The following EML4 variants were observed in gnomAD, a reference collection of about 807,000 sequenced individuals.
EML4 encodes EMAP like 4, also known as echinoderm microtubule-associated protein-like 4.
Under a neutral mutation model 129.0 loss-of-function variants are expected in EML4, and 72 were observed. That is an observed-to-expected ratio of 0.56 (90% CI 0.46 to 0.68). The LOEUF (loss-of-function observed/expected upper bound fraction) is 0.68, where lower values mean the gene tolerates loss of function less well. Ranked by LOEUF, EML4 falls within the 30% of genes least tolerant of loss-of-function variation. The pLI is 0.00. For missense variants in EML4, 1,363 were observed against 1,190.6 expected (o/e 1.14, Z -2.13); for synonymous variants, 532 against 405.0 (o/e 1.31, Z -3.77).
At chr2:42,318,400 A>G (rs776755633) in intron 19 of EML4, among the ~76,000 whole-genome samples, 19 of 152,206 alleles carry the variant, frequency 1.2e-4, no homozygotes, top group South Asian at 4.1e-4. Flanking sequence ...AAACTAGGCC[A>G]TGTACTATTT....
intron 4 of EML4, chr2:42,261,550 G>T (rs1195499279): frequency 9.8e-6 from 3 of 305,710 alleles, no homozygotes; most frequent in Non-Finnish European, 1.8e-5. Flanking sequence ...AAGAAGGCAG[G>T]AATAACCTAG....
At chr2:42,316,351 TA>T (rs1433888546) in intron 18 of EML4, among the ~76,000 whole-genome samples, 1 of 152,200 alleles carries the variant, frequency 6.6e-6, no homozygotes, top group African/African-American at 2.4e-5. Flanking sequence ...GAATTTTGAA[TA>T]GGTATTAGGC....
Position 42,330,079 on chromosome 2 carries a change from G to A in EML4, c.2818G>A (p.Glu940Lys), listed in dbSNP as rs765471925. The change falls in exon 23 of 23, where the codon GAG becomes AAG. Residue 940 changes from glutamate to lysine, a missense_variant. Transcript: ENST00000318522. The part of the protein sequence containing the change: ...TVEPSEDHSE[E>K]ESEEGSGDLG... ...GGAGCCAAGTGAAGACCACAGCGAG[G>A]AGGAGAGTGAAGAGGGCAGCGGAGA... is the stretch of plus-strand genomic sequence containing the variant. 25 of 1,613,148 alleles carry A rather than the reference G, an allele frequency of 1.5e-5. 1 individual carries two copies. Among genetic ancestry groups the A allele is most frequent in the South Asian group, 5.5e-5 (5 of 91,006 alleles).
intron 6 of EML4, among the ~76,000 whole-genome samples, chr2:42,267,800 T>G (rs377038520): frequency 6.6e-6 from 1 of 152,190 alleles, no homozygotes; most frequent in Non-Finnish European, 1.5e-5. Flanking sequence ...CCTAAACTTT[T>G]TTTCATTACT....
chr2:42,249,786 G>T (rs1322938113), intron 2 of EML4, among the ~76,000 whole-genome samples: 2 of 152,038 alleles, frequency 1.3e-5, no homozygotes, highest in African/African-American at 4.8e-5. Context: ...CTTGACTGAG[G>T]TAGAAAATTT....
intron 2 of EML4, among the ~76,000 whole-genome samples, chr2:42,252,347 T>G (rs1675832302): frequency 6.6e-6 from 1 of 152,230 alleles, no homozygotes; most frequent in Admixed American, 6.5e-5. Context: ...CCTGGCATTA[T>G]GATGGTTTCC....
chr2:42,238,243 G>C lies in EML4; in HGVS notation c.26-7262G>C, dbSNP rs148666908. Among the ~76,000 whole-genome samples, 437 of 152,238 alleles carry C rather than the reference G, an allele frequency of 2.9e-3. 3 individuals are homozygous for C. The highest frequency in any genetic ancestry group is 9.5e-3 in the African/African-American group (395 of 41,536). ...AACACTTCTGGTACCAAGCAATTCA[G>C]ATAAGGGATACTCAACCTGTAATAT... On this transcript the variant is annotated intron_variant, in intron 1 of 22. Transcript: ENST00000318522.
At chr2:42,284,313 A>G (rs554835046) in intron 8 of EML4, among the ~76,000 whole-genome samples, 2 of 152,352 alleles carry the variant, frequency 1.3e-5, no homozygotes, top group African/African-American at 4.8e-5. Flanking sequence ...TCACTATAAT[A>G]AAGTCGTGTG....
At chr2:42,289,692 G>A (rs1190960334) in intron 11 of EML4, 1 of 152,078 alleles carries the variant, frequency 6.6e-6, no homozygotes, top group Non-Finnish European at 1.5e-5. Flanking sequence ...CATCCAGGTA[G>A]TCAGGAAGTT....
chr2:42,284,587 G>C lies in EML4; in HGVS notation c.942-47G>C, dbSNP rs545015544. 15 of 1,379,300 alleles carry C rather than the reference G, an allele frequency of 1.1e-5. No homozygotes were observed. In the South Asian group the frequency reaches 1.5e-4, roughly 14 times the overall value. The allele number at this position is 1,379,300 out of a possible 1,614,324, so 85.4% of individuals were successfully genotyped here. On this transcript the variant is annotated intron_variant, in intron 8 of 22. Transcript: ENST00000318522. ...AATGTCAGTACAAAGGTATTCTGTT[G>C]TTTCATGTTTCCTGTGTTTAAAATC...
At position 42,263,362 on chromosome 2, in the gene EML4, T is replaced by G. The variant is rs567068354; in HGVS notation, c.641+56T>G. The G allele has an allele frequency of 4.0e-4, 584 of 1,470,008 alleles. 1 individual carries two copies. The highest frequency in any genetic ancestry group is 3.1e-4 in the Non-Finnish European group (332 of 1,072,584). 91.1% of individuals were successfully genotyped at this position (1,470,008 alleles called of 1,614,324 possible). On this transcript the variant is annotated intron_variant, in intron 5 of 22. Coordinates refer to ENST00000318522, the MANE Select transcript of EML4 (RefSeq NM_019063.5). ...AAAAGTAATAATTATTTGGCTATTA[T>G]GTTTGCATGTACAGTTATGTATGTC...
intron 1 of EML4, among the ~76,000 whole-genome samples, chr2:42,204,512 C>T (rs1045994806): frequency 6.6e-6 from 1 of 152,128 alleles, no homozygotes; most frequent in Non-Finnish European, 1.5e-5. Flanking sequence ...AAAGAATGTG[C>T]CGGGGCTATG....
At chr2:42,266,650 CTTT>C (rs35088865) in intron 6 of EML4, among the ~76,000 whole-genome samples, 1 of 145,602 alleles carries the variant, frequency 6.9e-6, no homozygotes. Context: ...GGTCCGAAAA[CTTT>C]TTTTTTTTTT....
At chr2:42,314,444 A>C (rs534222070) in intron 17 of EML4, among the ~76,000 whole-genome samples, 1 of 152,298 alleles carries the variant, frequency 6.6e-6, no homozygotes, top group South Asian at 2.1e-4. Flanking sequence ...TGAAACTTTT[A>C]GGCAGCTAAC....
At chr2:42,236,458 G>A (rs1405425781) in intron 1 of EML4, among the ~76,000 whole-genome samples, 1 of 152,186 alleles carries the variant, frequency 6.6e-6, no homozygotes, top group Non-Finnish European at 1.5e-5. Context: ...CTGCCTGGGA[G>A]GCCACCTGTT....
intron 19 of EML4, among the ~76,000 whole-genome samples, chr2:42,323,454 G>A (rs1050288485): frequency 6.6e-6 from 1 of 152,164 alleles, no homozygotes; most frequent in South Asian, 2.1e-4. Context: ...TCACTTCTCA[G>A]ATTCATATAA....
chr2:42,187,668 A>G (rs936053178), intron 1 of EML4, among the ~76,000 whole-genome samples: 3 of 151,084 alleles, frequency 2.0e-5, no homozygotes, highest in Non-Finnish European at 4.4e-5. Flanking sequence ...TTTGGTGCTC[A>G]TTTTTTTTAA....
intron 19 of EML4, among the ~76,000 whole-genome samples, chr2:42,318,694 T>A (rs1445357605): frequency 8.7e-5 from 2 of 23,116 alleles, no homozygotes; most frequent in African/African-American, 1.2e-3. Context: ...AGACCCCCAA[T>A]TTTTTTTGTT....
intron 14 of EML4, among the ~76,000 whole-genome samples, 165 bp downstream of exon 14, chr2:42,301,557 CA>C (rs539122067): frequency 1.9e-4 from 27 of 143,116 alleles, no homozygotes; most frequent in Admixed American, 2.8e-4. Context: ...TAACTTTTTT[CA>C]AAAAAAAAAG....
Sources: gnomAD v4.1 joint callset for allele counts (sites outside exome capture counted in the v4.1 genomes callset) on GRCh38, gnomAD v4.1.1 for gene constraint, MANE v1.5 for transcripts, NCBI Gene and HGNC (gene_info 2026-07-23, HGNC 2026-07-21) for gene names.